The following RALGAPA1 variants were observed in gnomAD, a reference collection of about 807,000 sequenced individuals.
The protein encoded by RALGAPA1 is ral GTPase-activating protein subunit alpha-1.
In RALGAPA1, 52 loss-of-function variants were observed where a neutral mutation model predicts 269.6. That is an observed-to-expected ratio of 0.19 (90% CI 0.15 to 0.24). RALGAPA1 has a LOEUF of 0.24. RALGAPA1 is among the 10% of genes least tolerant of loss of function. The pLI, the probability that RALGAPA1 is intolerant of heterozygous loss-of-function variation, is 1.00. For missense variants in RALGAPA1, 1,917 were observed against 3,013.9 expected, an observed-to-expected ratio of 0.64 and a Z score of 8.52; for synonymous variants, 817 against 1,008.3, an observed-to-expected ratio of 0.81 and a Z score of 3.60.
Position 35,539,306 on chromosome 14 carries a change from C to A in RALGAPA1, c.*408G>T, listed in dbSNP as rs937503657. ...AAGGTAAAGGGTGTAGAATAAAACTCCCCCTGCCCTCAAAATATGGCAGCT... is the reference window on the plus strand; with the variant it reads ...AAGGTAAAGGGTGTAGAATAAAACTACCCCTGCCCTCAAAATATGGCAGCT... On this transcript the variant is annotated 3_prime_UTR_variant, in exon 42 of 42. Transcript: ENST00000680220. The A allele has an allele frequency of 3.0e-6, 1 of 335,824 alleles. No individual in the cohort carries two copies. The highest frequency in any genetic ancestry group is 2.1e-5 in the African/African-American group (1 of 46,676). The allele number at this position is 335,824 out of a possible 1,614,324, so 20.8% of individuals were successfully genotyped here. A position where few individuals can be genotyped will look rare whatever the true frequency, so the allele number is the denominator to read the frequency against.
chr14:35,606,480 T>C (rs763625450), intron 35 of RALGAPA1, among the ~76,000 whole-genome samples: 3 of 152,326 alleles, frequency 2.0e-5, no homozygotes, highest in South Asian at 2.1e-4. Context: ...GTCATATATG[T>C]GGTCCATTGT....
rs1247796754 is a variant in RALGAPA1 at position 35,760,882 on chromosome 14, T to C, written c.494A>G (p.His165Arg). ...IPGFSAPQSE[H>R]GPRTLDNLIN... Reference sequence around the variant, plus strand: ...GAGATTATCTAAAGTTCGAGGTCCATGTTCAGACTGTGGTGCTGAAAATCC... The same window carrying C: ...GAGATTATCTAAAGTTCGAGGTCCACGTTCAGACTGTGGTGCTGAAAATCC... Residue 165 changes from histidine (H) to arginine (R), a missense_variant, in exon 6 of 42, where the codon CAT (histidine) becomes CGT (arginine). Transcript: ENST00000680220. 6.2e-7 allele frequency: 1 copy of C among 1,612,540 alleles called. No individual in the cohort carries two copies. The highest frequency in any genetic ancestry group is 8.5e-7 in the Non-Finnish European group (1 of 1,179,112).
At chr14:35,719,072 T>C (rs189053986) in intron 16 of RALGAPA1, among the ~76,000 whole-genome samples, 6 of 152,142 alleles carry the variant, frequency 3.9e-5, no homozygotes, top group Admixed American at 3.3e-4. Context: ...AAATTAATGT[T>C]AAACCCAGCA....
intron 31 of RALGAPA1, among the ~76,000 whole-genome samples, chr14:35,644,928 A>T (rs2062293574): frequency 6.6e-6 from 1 of 152,188 alleles, no homozygotes; most frequent in African/African-American, 2.4e-5. Flanking sequence ...ATAAAATAAG[A>T]ATTGGAGGTG....
chr14:35,796,074 G>GA (rs1310229011), intron 1 of RALGAPA1, among the ~76,000 whole-genome samples: 11 of 152,272 alleles, frequency 7.2e-5, no homozygotes, highest in African/African-American at 2.6e-4. Flanking sequence ...CCCAGGATAA[G>GA]AAAAGAGGAT....
intron 41 of RALGAPA1, chr14:35,542,432 C>T (rs868396714): frequency 2.9e-4 from 46 of 157,178 alleles, no homozygotes; most frequent in South Asian, 5.8e-4. Context: ...CCATGTCTTC[C>T]TCACTGCCTT....
At chr14:35,665,543 A>T (rs1414856385) in intron 26 of RALGAPA1, among the ~76,000 whole-genome samples, 1 of 152,212 alleles carries the variant, frequency 6.6e-6, no homozygotes, top group Non-Finnish European at 1.5e-5. Flanking sequence ...ATTAAGAACC[A>T]ACCTCCAAGA....
intron 37 of RALGAPA1, among the ~76,000 whole-genome samples, chr14:35,594,417 A>G (rs1444395682): frequency 3.3e-5 from 5 of 152,176 alleles, no homozygotes; most frequent in Non-Finnish European, 7.4e-5. Context: ...TTATAAGTCA[A>G]TAGCAGAAAA....
chr14:35,539,919 C>T (rs977555783), intron 41 of RALGAPA1, among the ~76,000 whole-genome samples: 3 of 152,116 alleles, frequency 2.0e-5, no homozygotes, highest in African/African-American at 7.2e-5. Context: ...TCATCATTCC[C>T]AGGGCTAGAA....
intron 31 of RALGAPA1, among the ~76,000 whole-genome samples, chr14:35,640,211 G>C (rs950514154): frequency 1.3e-5 from 2 of 151,782 alleles, no homozygotes; most frequent in Non-Finnish European, 2.9e-5. Context: ...CCCAAAGTAA[G>C]CAGAATAAAA....
intron 12 of RALGAPA1, among the ~76,000 whole-genome samples, chr14:35,732,814 A>C (rs142275689): frequency 6.6e-5 from 10 of 152,348 alleles, no homozygotes; most frequent in Admixed American, 5.9e-4. Flanking sequence ...GGGGACTTCA[A>C]TTCTCCACTG....
intron 1 of RALGAPA1, among the ~76,000 whole-genome samples, chr14:35,793,174 T>C (rs1395696161): frequency 6.6e-6 from 1 of 152,104 alleles, no homozygotes; most frequent in African/African-American, 2.4e-5. Flanking sequence ...GACAAGAGGA[T>C]GGTGATGCCA....
intron 1 of RALGAPA1, among the ~76,000 whole-genome samples, chr14:35,794,073 CAG>C (rs2076384032): frequency 6.6e-6 from 1 of 152,052 alleles, no homozygotes; most frequent in South Asian, 2.1e-4. Flanking sequence ...TCAAATCAGA[CAG>C]ATTCAAATTA....
chr14:35,615,395 A>G (rs1252374275), intron 35 of RALGAPA1, among the ~76,000 whole-genome samples: 2 of 152,150 alleles, frequency 1.3e-5, no homozygotes, highest in Non-Finnish European at 2.9e-5. Flanking sequence ...CTAGTGAGGT[A>G]AGTCTGTTAA....
At chr14:35,581,601 A>G (rs1416785326) in intron 37 of RALGAPA1, among the ~76,000 whole-genome samples, 1 of 152,222 alleles carries the variant, frequency 6.6e-6, no homozygotes, top group Non-Finnish European at 1.5e-5. Flanking sequence ...CAAAGAGTAT[A>G]TACAAATAGG....
chr14:35,623,861 C>T (rs531643583), intron 35 of RALGAPA1, among the ~76,000 whole-genome samples: 1 of 152,108 alleles, frequency 6.6e-6, no homozygotes, highest in Admixed American at 6.5e-5. Flanking sequence ...GGGTGGATCA[C>T]GAGGTCAGGC....
intron 35 of RALGAPA1, among the ~76,000 whole-genome samples, chr14:35,613,046 C>T (rs1594812721): frequency 6.6e-6 from 1 of 150,712 alleles, no homozygotes; most frequent in Non-Finnish European, 1.5e-5. Flanking sequence ...ACTTTAAAGT[C>T]AATAGTAAAA....
intron 3 of RALGAPA1, among the ~76,000 whole-genome samples, 157 bp downstream of exon 3, chr14:35,774,849 A>T (rs2074897232): frequency 1.3e-5 from 2 of 152,192 alleles, no homozygotes; most frequent in African/African-American, 2.4e-5. Flanking sequence ...AAAGTATAGG[A>T]TTCAGTCAGG....
chr14:35,714,039 G>A (rs370802681), intron 16 of RALGAPA1, among the ~76,000 whole-genome samples: 2 of 151,348 alleles, frequency 1.3e-5, no homozygotes, highest in Non-Finnish European at 2.9e-5. Context: ...AGGTTGCAGT[G>A]AGCTGAGATC....
Sources: allele counts gnomAD v4.1 joint callset (sites outside exome capture counted in the v4.1 genomes callset), GRCh38; gene constraint gnomAD v4.1.1; transcripts MANE v1.5; gene names NCBI Gene and HGNC (gene_info 2026-07-23, HGNC 2026-07-21).